The following TRIB1 variants were observed in gnomAD, a reference collection of about 807,000 sequenced individuals.
The protein encoded by TRIB1 is tribbles pseudokinase 1, also known as tribbles homolog 1.
TRIB1 carries 12 observed loss-of-function variants against 27.8 expected under a neutral mutation model. The observed-to-expected ratio is 0.43, with a 90% confidence interval of 0.28 to 0.70. TRIB1 has a LOEUF of 0.70. TRIB1 is among the 30% of genes least tolerant of loss of function. The probability of loss-of-function intolerance (pLI) is 0.18; values close to 1 mark genes in which losing one functional copy is unlikely to be tolerated. For synonymous variants in TRIB1, 230 were observed against 224.9 expected, an observed-to-expected ratio of 1.02 and a Z score of -0.20; for missense variants, 475 against 515.8, an observed-to-expected ratio of 0.92 and a Z score of 0.77.
Position 125,431,219 on chromosome 8 carries a change from C to T in TRIB1, c.317C>T (p.Ser106Phe). 7.8e-7 allele frequency: 1 copy of T among 1,277,104 alleles called. No homozygotes were observed. Among genetic ancestry groups the T allele is most frequent in the South Asian group, 2.7e-5 (1 of 36,564 alleles). The allele number at this position is 1,277,104 out of a possible 1,614,324, so 79.1% of individuals were successfully genotyped here. ...LLPLAEREHV[S>F]RALCIHTGRE... ...CCCCTAGCCGAGCGCGAGCATGTGT[C>T]CCGGGCGCTGTGCATCCACACTGGA... The change falls in exon 1 of 3, where the codon TCC (serine) becomes TTC (phenylalanine). Residue 106 changes from serine to phenylalanine, a missense_variant. Physicochemically the swap from Ser to Phe is radical, Grantham distance 155. Coordinates refer to ENST00000311922, the MANE Select transcript of TRIB1 (RefSeq NM_025195.4).
intron 1 of TRIB1, among the ~76,000 whole-genome samples, chr8:125,431,496 T>A (rs1814656226): frequency 6.6e-6 from 1 of 152,266 alleles, no homozygotes; most frequent in South Asian, 2.1e-4. Context: ...TTTCTCTATC[T>A]GTTCCTTTCC....
At chr8:125,435,689 A>T (rs1012442679) in intron 2 of TRIB1, among the ~76,000 whole-genome samples, 1 of 152,238 alleles carries the variant, frequency 6.6e-6, no homozygotes, top group African/African-American at 2.4e-5. Context: ...CAGTTCTGCA[A>T]TGGGAACTTA....
Position 125,436,270 on chromosome 8 carries a change from C to T in TRIB1, c.918C>T (p.His306=), listed in dbSNP as rs757119456. ...GTGGACAGTTCTGCATTCCTGAGCA[C>T]ATTTCCCCCAAAGCCAGGTGCCTCA... ...IRRGQFCIPE[H]ISPKARCLIR... Residue 306 remains histidine, a synonymous_variant, in exon 3 of 3, where the codon CAC becomes CAT. Coordinates refer to ENST00000311922, the MANE Select transcript of TRIB1 (RefSeq NM_025195.4). The T allele has an allele frequency of 6.2e-7, 1 of 1,614,130 alleles. No individual in the cohort carries two copies. Among genetic ancestry groups the T allele is most frequent in the Non-Finnish European group, 8.5e-7 (1 of 1,180,034 alleles).
At chr8:125,435,985 C>CT in intron 2 of TRIB1, 21 bp from the exon 3 acceptor site, 1 of 1,593,556 alleles carries the variant, frequency 6.3e-7, no homozygotes. Flanking sequence ...GAAATAATGG[C>CT]TTGGTTCCTC....
Position 125,437,039 on chromosome 8 carries a change from G to A in TRIB1, c.*568G>A, listed in dbSNP as rs1244463055. The A allele has an allele frequency of 6.3e-6, 1 of 159,176 alleles. No individual in the cohort carries two copies. The highest frequency in any genetic ancestry group is 2.4e-5 in the African/African-American group (1 of 41,420). 9.9% of individuals were successfully genotyped at this position (159,176 alleles called of 1,614,324 possible). A position where few individuals can be genotyped will look rare whatever the true frequency, so the allele number is the denominator to read the frequency against. Reference sequence around the variant, plus strand: ...TTTTTGGAGCAGACTGTTTTAAGTTGCTCAGGAGCCTGATGGAACCATGAA... The same window carrying A: ...TTTTTGGAGCAGACTGTTTTAAGTTACTCAGGAGCCTGATGGAACCATGAA... On this transcript the variant is annotated 3_prime_UTR_variant, in exon 3 of 3. Transcript: ENST00000311922.
Position 125,431,255 on chromosome 8 carries a change from G to T in TRIB1, c.353G>T (p.Arg118Leu). 1 of 1,259,010 alleles carries T rather than the reference G, an allele frequency of 7.9e-7. No individual in the cohort carries two copies. The highest frequency in any genetic ancestry group is 1.0e-6 in the Non-Finnish European group (1 of 1,003,010). 78.0% of individuals were successfully genotyped at this position (1,259,010 alleles called of 1,614,324 possible). A position where few individuals can be genotyped will look rare whatever the true frequency, so the allele number is the denominator to read the frequency against. The change falls in exon 1 of 3, where the codon CGC becomes CTC. Residue 118 changes from arginine (R) to leucine (L), a missense_variant. By Grantham distance (102) the Arg-to-Leu change is moderately radical (BLOSUM62 -2). Transcript: ENST00000311922. ...TGCATCCACACTGGACGCGAGCTGC[G>T]CTGCAAGGTAGGCGCTCCCGGGCCA... is the stretch of plus-strand genomic sequence containing the variant. The part of the protein sequence containing the change: ...ALCIHTGREL[R>L]CKVFPIKHYQ...
Position 125,431,275 on chromosome 8 carries a change from G to A in TRIB1, c.360+13G>A, listed in dbSNP as rs941023665. 2 of 1,254,950 alleles carry A rather than the reference G, an allele frequency of 1.6e-6. No homozygotes were observed. Among genetic ancestry groups the A allele is most frequent in the Non-Finnish European group, 2.0e-6 (2 of 1,000,884 alleles). The allele number at this position is 1,254,950 out of a possible 1,614,324, so 77.7% of individuals were successfully genotyped here. ...GCTGCGCTGCAAGGTAGGCGCTCCC[G>A]GGCCAGGACCCGGCTGGGGTCGGGG... On this transcript the variant is annotated intron_variant, in intron 1 of 2. Coordinates refer to ENST00000311922, the MANE Select transcript of TRIB1 (RefSeq NM_025195.4).
rs1814702697 is a variant in TRIB1 at position 125,433,703 on chromosome 8, A to C, written c.653+94A>C. ...GGTGCTGTGTGTTGGTGCAAAACAAAGTCAAGGGCTCATATGTCCCAGATT... is the reference window on the plus strand; with the variant it reads ...GGTGCTGTGTGTTGGTGCAAAACAACGTCAAGGGCTCATATGTCCCAGATT... On this transcript the variant is annotated intron_variant, in intron 2 of 2. Transcript: ENST00000311922. This position sits in a 1 kb window ranked among gnomAD's most constrained non-coding sequence, Gnocchi z 4.4. The C allele has an allele frequency of 3.5e-6, 5 of 1,412,692 alleles. No homozygotes were observed. Among genetic ancestry groups the C allele is most frequent in the Middle Eastern group, 2.6e-4 (1 of 3,832 alleles). 87.5% of individuals were successfully genotyped at this position (1,412,692 alleles called of 1,614,324 possible).
chr8:125,433,506 C>A lies in TRIB1; in HGVS notation c.550C>A (p.Arg184=). 1 of 1,614,228 alleles carries A rather than the reference C, an allele frequency of 6.2e-7. No individual in the cohort carries two copies. ...GAGGCTGCGGGAAGAGGAAGCCGCC[C>A]GGCTCTTCAAGCAGATTGTCTCCGC... The part of the protein sequence containing the change: ...RKRLREEEAA[R]LFKQIVSAVA... The change falls in exon 2 of 3, where the codon CGG becomes AGG. Residue 184 remains arginine, a synonymous_variant. Transcript: ENST00000311922. This position sits in a 1 kb window ranked among gnomAD's most constrained non-coding sequence, Gnocchi z 4.4.
Position 125,438,328 on chromosome 8 carries a change from A to T in TRIB1, c.*1857A>T, listed in dbSNP as rs1433952538. 1 of 152,400 alleles carries T rather than the reference A, an allele frequency of 6.6e-6. No homozygotes were observed. Among genetic ancestry groups the T allele is most frequent in the Non-Finnish European group, 1.5e-5 (1 of 68,040 alleles). The allele number at this position is 152,400 out of a possible 1,614,324, so 9.4% of individuals were successfully genotyped here. On this transcript the variant is annotated 3_prime_UTR_variant, in exon 3 of 3. Transcript: ENST00000311922. ...TAGAAACACTAGGTTCTTCCTGTAC[A>T]TACGTGTATATATGTGAACAGTGAG... is the stretch of plus-strand genomic sequence containing the variant.
At chr8:125,435,231 G>A (rs12546944) in intron 2 of TRIB1, among the ~76,000 whole-genome samples, 49,319 of 151,930 alleles carry the variant, frequency 0.32, 10,258 homozygotes, top group East Asian at 0.59. Context: ...GAATACATAT[G>A]CTCACATGTT....
Position 125,436,374 on chromosome 8 carries a change from T to G in TRIB1, c.1022T>G (p.Val341Gly). Residue 341 changes from valine to glycine, a missense_variant, in exon 3 of 3, where the codon GTC becomes GGC. Physicochemically the swap from Val to Gly is moderately radical, Grantham distance 109 (BLOSUM62 -3). Transcript: ENST00000311922. ...CTACTGCACCCCTGGTTTGAGTCCG[T>G]CTTGGAACCCGGGTACATCGACTCA... ...EILLHPWFESVLEPGYIDSEI... is the reference protein window; with the variant it reads ...EILLHPWFESGLEPGYIDSEI... 1 of 1,613,404 alleles carries G rather than the reference T, an allele frequency of 6.2e-7. No homozygotes were observed. Among genetic ancestry groups the G allele is most frequent in the Non-Finnish European group, 8.5e-7 (1 of 1,179,926 alleles).
chr8:125,430,970 TC>T lies in TRIB1; in HGVS notation c.71del (p.Pro24GlnfsTer76), dbSNP rs1330265594. On this transcript the variant is annotated frameshift_variant, in exon 1 of 3. Transcript: ENST00000311922. LOFTEE classifies it high-confidence loss of function. ...CAGCCCCGCGGCCCGGCCCTGCTCT[TC>T]CCAGCCACCCGAGGCGTCCCGGCCA... ...ASQPRGPALL[F>X]PATRGVPAKR... 4 of 1,471,900 alleles carry T rather than the reference TC, an allele frequency of 2.7e-6. No homozygotes were observed. Among genetic ancestry groups the T allele is most frequent in the Non-Finnish European group, 3.6e-6 (4 of 1,119,924 alleles). 91.2% of individuals were successfully genotyped at this position (1,471,900 alleles called of 1,614,324 possible).
In TRIB1 at chr8:125,437,060, A is replaced by G. The variant is rs968235794; in HGVS notation, c.*589A>G. On this transcript the variant is annotated 3_prime_UTR_variant, in exon 3 of 3. Transcript: ENST00000311922. ...AGTTGCTCAGGAGCCTGATGGAACC[A>G]TGAACCGAGACTCTTCTCTGTTTCC... 4 of 157,282 alleles carry G rather than the reference A, an allele frequency of 2.5e-5. No homozygotes were observed. Among genetic ancestry groups the G allele is most frequent in the Admixed American group, 1.2e-4 (2 of 16,154 alleles). 9.7% of individuals were successfully genotyped at this position (157,282 alleles called of 1,614,324 possible).
intron 2 of TRIB1, among the ~76,000 whole-genome samples, chr8:125,434,313 A>G (rs1353577614): frequency 6.6e-6 from 1 of 152,226 alleles, no homozygotes; most frequent in African/African-American, 2.4e-5. Flanking sequence ...AAGCCGCATG[A>G]GATAGACCAC....
rs1814780172 is a variant in TRIB1, at chr8:125,437,771, C to T, written c.*1300C>T. ...ATATGTCCAGAGATGGAAACTCACT[C>T]CCCTACAAAAGATGGAGCTTAATGG... On this transcript the variant is annotated 3_prime_UTR_variant, in exon 3 of 3. Transcript: ENST00000311922. The T allele has an allele frequency of 6.6e-6, 1 of 152,476 alleles. No individual in the cohort carries two copies. Among genetic ancestry groups the T allele is most frequent in the South Asian group, 2.1e-4 (1 of 4,834 alleles). 9.4% of individuals were successfully genotyped at this position (152,476 alleles called of 1,614,324 possible). A position where few individuals can be genotyped will look rare whatever the true frequency, so the allele number is the denominator to read the frequency against.
intron 1 of TRIB1, chr8:125,432,166 A>G (rs1033381741): frequency 1.2e-6 from 1 of 837,836 alleles, no homozygotes; most frequent in Non-Finnish European, 1.4e-6. Flanking sequence ...CTCACCTGAC[A>G]CTCCCAACAC....
chr8:125,433,339 A>G lies in TRIB1; in HGVS notation c.383A>G (p.Gln128Arg). 3 of 1,614,032 alleles carry G rather than the reference A, an allele frequency of 1.9e-6. No individual in the cohort carries two copies. Among genetic ancestry groups the G allele is most frequent in the Non-Finnish European group, 2.5e-6 (3 of 1,179,882 alleles). ...CAGGTGTTTCCCATTAAACACTACC[A>G]GGACAAAATCAGGCCTTACATCCAG... ...RCKVFPIKHY[Q>R]DKIRPYIQLP... The change falls in exon 2 of 3, where the codon CAG becomes CGG. Residue 128 changes from glutamine to arginine, a missense_variant. Gln to Arg is a conservative substitution (Grantham distance 43, BLOSUM62 1). Transcript: ENST00000311922. The surrounding 1 kb of genome is among the most constrained non-coding windows in gnomAD (Gnocchi z 4.4).
rs546842228 is a variant in TRIB1 at position 125,437,379 on chromosome 8, C to T, written c.*908C>T. ...TAAGAGAAGAAAGATAAGGAGGCTCCCACCCACCTCTCCCAAGAGCAGACA... is the reference window on the plus strand; with the variant it reads ...TAAGAGAAGAAAGATAAGGAGGCTCTCACCCACCTCTCCCAAGAGCAGACA... On this transcript the variant is annotated 3_prime_UTR_variant, in exon 3 of 3. Coordinates refer to ENST00000311922, the MANE Select transcript of TRIB1 (RefSeq NM_025195.4). 7.2e-5 allele frequency: 11 copies of T among 152,418 alleles called. No individual in the cohort carries two copies. The highest frequency in any genetic ancestry group is 7.2e-4 in the Admixed American group (11 of 15,294). The allele number at this position is 152,418 out of a possible 1,614,324, so 9.4% of individuals were successfully genotyped here. A position where few individuals can be genotyped will look rare whatever the true frequency, so the allele number is the denominator to read the frequency against.
Sources: gnomAD v4.1 joint callset for allele counts (sites outside exome capture counted in the v4.1 genomes callset) on GRCh38, gnomAD v4.1.1 for gene constraint, Gnocchi (gnomAD v3.1) non-coding constraint, MANE v1.5 for transcripts, NCBI Gene and HGNC (gene_info 2026-07-23, HGNC 2026-07-21) for gene names.